The following PDZRN3 variants were observed in gnomAD, a reference collection of about 807,000 sequenced individuals.
PDZRN3 encodes the protein E3 ubiquitin-protein ligase PDZRN3.
In PDZRN3, 38 loss-of-function variants were observed where a neutral mutation model predicts 85.7. That is an observed-to-expected ratio of 0.44 (90% CI 0.34 to 0.58). The LOEUF (loss-of-function observed/expected upper bound fraction) is 0.58. Among genes scored for constraint, PDZRN3 ranks in the 20% least tolerant of loss-of-function variants. The pLI is 0.01. For missense variants in PDZRN3, 1,629 were observed against 1,506.4 expected (o/e 1.08, Z -1.35); for synonymous variants, 759 against 638.0 (o/e 1.19, Z -2.86).
At chr3:73,590,080 A>G (rs1416653370) in intron 3 of PDZRN3, among the ~76,000 whole-genome samples, 1 of 151,966 alleles carries the variant, frequency 6.6e-6, no homozygotes, top group Non-Finnish European at 1.5e-5. Context: ...ACCCTCCTGG[A>G]AAACATGGCG....
At chr3:73,573,522 T>C (rs1029978135) in intron 3 of PDZRN3, among the ~76,000 whole-genome samples, 2 of 152,186 alleles carry the variant, frequency 1.3e-5, no homozygotes, top group African/African-American at 4.8e-5. Flanking sequence ...CAGTCACATA[T>C]TGCCTGTAAC....
At chr3:73,385,455 T>C (rs1398771911) in intron 9 of PDZRN3, among the ~76,000 whole-genome samples, 2 of 152,256 alleles carry the variant, frequency 1.3e-5, no homozygotes, top group Non-Finnish European at 2.9e-5. Flanking sequence ...GCTTTGGCAA[T>C]GTTGCTTAGA....
chr3:73,438,106 C>T (rs184980003), intron 3 of PDZRN3, among the ~76,000 whole-genome samples: 2 of 152,172 alleles, frequency 1.3e-5, no homozygotes, highest in African/African-American at 2.4e-5. Context: ...GCACTCTTCT[C>T]GGGTGCTCTG....
At chr3:73,393,979 T>A (rs1312767302) in intron 5 of PDZRN3, among the ~76,000 whole-genome samples, 1 of 152,236 alleles carries the variant, frequency 6.6e-6, no homozygotes, top group Admixed American at 6.5e-5. Context: ...ACATTGTTCA[T>A]GTTGCTAATC....
intron 3 of PDZRN3, 132 bp downstream of exon 3, chr3:73,602,222 G>A (rs1340186440): frequency 3.1e-6 from 2 of 639,784 alleles, no homozygotes; most frequent in African/African-American, 3.6e-5. Context: ...CCCACACAAT[G>A]GGAAAAGTGA....
intron 3 of PDZRN3, among the ~76,000 whole-genome samples, chr3:73,573,153 T>G (rs551537916): frequency 1.3e-5 from 2 of 152,308 alleles, no homozygotes; most frequent in South Asian, 4.1e-4. Context: ...TGACCCTCTC[T>G]GGCAAGACAA....
rs765810059 is a variant in PDZRN3, at chr3:73,383,517, T to C, written c.3049A>G (p.Ile1017Val). ...QAADDRKEMN[I>V]LELSHKKMMK... ...ATCTTTTTGTGGCTCAGTTCGAGAATGTTCATCTCCTTCCTGTCATCGGCT... is the reference window on the plus strand; with the variant it reads ...ATCTTTTTGTGGCTCAGTTCGAGAACGTTCATCTCCTTCCTGTCATCGGCT... The change falls in exon 10 of 10, where the codon ATT (isoleucine) becomes GTT (valine). Residue 1017 changes from isoleucine (I) to valine (V), a missense_variant. Ile to Val is a conservative substitution (Grantham distance 29, BLOSUM62 3). Transcript: ENST00000263666. 1.4e-5 allele frequency: 22 copies of C among 1,614,202 alleles called. No homozygotes were observed. The highest frequency in any genetic ancestry group is 1.8e-5 in the Non-Finnish European group (21 of 1,180,032).
At chr3:73,593,134 C>T (rs1285419246) in intron 3 of PDZRN3, among the ~76,000 whole-genome samples, 1 of 151,160 alleles carries the variant, frequency 6.6e-6, no homozygotes, top group Non-Finnish European at 1.5e-5. Flanking sequence ...CTCAAAACCC[C>T]CATATTTAAA....
chr3:73,518,084 T>C (rs1704286290), intron 3 of PDZRN3, among the ~76,000 whole-genome samples: 1 of 152,326 alleles, frequency 6.6e-6, no homozygotes. Flanking sequence ...TTATTCACAA[T>C]AGCCAAAAGG....
chr3:73,469,998 C>T (rs1703303407), intron 3 of PDZRN3, among the ~76,000 whole-genome samples: 1 of 152,174 alleles, frequency 6.6e-6, no homozygotes, highest in South Asian at 2.1e-4. Flanking sequence ...CCACTAGATG[C>T]TAGTTGTCCT....
At chr3:73,551,685 TTTC>T in intron 3 of PDZRN3, among the ~76,000 whole-genome samples, 1 of 106,534 alleles carries the variant, frequency 9.4e-6, no homozygotes, top group Non-Finnish European at 2.0e-5. Context: ...TGAGACCCTG[TTTC>T]AAAAAAAAAA....
chr3:73,496,342 C>T (rs1332822667), intron 3 of PDZRN3, among the ~76,000 whole-genome samples: 1 of 149,888 alleles, frequency 6.7e-6, no homozygotes, highest in Non-Finnish European at 1.5e-5. Context: ...TCCTTATTAA[C>T]ACTTTATTAT....
chr3:73,495,896 T>G (rs192009256), intron 3 of PDZRN3, among the ~76,000 whole-genome samples: 1 of 152,204 alleles, frequency 6.6e-6, no homozygotes, highest in African/African-American at 2.4e-5. Context: ...CTAATTAAGA[T>G]AGAAACCATA....
At position 73,406,924 on chromosome 3, in the gene PDZRN3, G is replaced by A. The variant is rs546922693; in HGVS notation, c.919-2529C>T. Among the ~76,000 whole-genome samples the A allele has an allele frequency of 1.2e-4, 18 of 152,322 alleles. No homozygotes were observed. The South Asian group carries it at 3.1e-3, about 26-fold the overall frequency. ...ATAATTCTTACAAACACTAGAGCAG[G>A]CAATGTCAGCTGCCTGGGCAGCACG... On this transcript the variant is annotated intron_variant, in intron 3 of 9. Coordinates refer to ENST00000263666, the MANE Select transcript of PDZRN3 (RefSeq NM_015009.3).
At chr3:73,468,804 C>T (rs1023208859) in intron 3 of PDZRN3, among the ~76,000 whole-genome samples, 1 of 152,154 alleles carries the variant, frequency 6.6e-6, no homozygotes, top group African/African-American at 2.4e-5. Context: ...TTAACCCTGG[C>T]TCTGCCACTT....
At chr3:73,487,944 G>A (rs1248708374) in intron 3 of PDZRN3, among the ~76,000 whole-genome samples, 1 of 152,202 alleles carries the variant, frequency 6.6e-6, no homozygotes, top group African/African-American at 2.4e-5. Context: ...TCTCACAGCA[G>A]TGTGTAGGAG....
chr3:73,600,159 A>C (rs1251142014), intron 3 of PDZRN3, among the ~76,000 whole-genome samples: 1 of 152,108 alleles, frequency 6.6e-6, no homozygotes, highest in Non-Finnish European at 1.5e-5. Context: ...CAAAGAAAAG[A>C]CTCAATTAGT....
chr3:73,504,581 TAAC>T (rs1704038165), intron 3 of PDZRN3, among the ~76,000 whole-genome samples: 1 of 152,230 alleles, frequency 6.6e-6, no homozygotes, highest in Non-Finnish European at 1.5e-5. Flanking sequence ...CAGCCATTAT[TAAC>T]CTGGGCTGCT....
rs888772543 is a variant in PDZRN3, at chr3:73,546,056, G to T, written c.918+56298C>A. On this transcript the variant is annotated intron_variant, in intron 3 of 9. Transcript: ENST00000263666. ...GGGGCCTCCTGTGTCTTGGACTTGGGCCTCCTGTGTCTTATTCTGTATACT... is the reference window on the plus strand; with the variant it reads ...GGGGCCTCCTGTGTCTTGGACTTGGTCCTCCTGTGTCTTATTCTGTATACT... Among the ~76,000 whole-genome samples, 42 of 152,280 alleles carry T rather than the reference G, an allele frequency of 2.8e-4. 1 individual carries two copies. The highest frequency in any genetic ancestry group is 9.9e-4 in the African/African-American group (41 of 41,564).
Sources: gnomAD v4.1 joint callset for allele counts (sites outside exome capture counted in the v4.1 genomes callset) on GRCh38, gnomAD v4.1.1 for gene constraint, MANE v1.5 for transcripts, NCBI Gene and HGNC (gene_info 2026-07-23, HGNC 2026-07-21) for gene names.